Variants in GARNL3 observed in about 807,000 individuals in gnomAD.
GARNL3 encodes the protein GTPase activating Rap/RanGAP domain like 3, also known as GTPase-activating Rap/Ran-GAP domain-like protein 3.
GARNL3 carries 63 observed loss-of-function variants against 125.0 expected under a neutral mutation model. The observed-to-expected ratio is 0.50, with a 90% confidence interval of 0.41 to 0.62. The LOEUF (loss-of-function observed/expected upper bound fraction) is 0.62. Among genes scored for constraint, GARNL3 ranks in the 20% least tolerant of loss-of-function variants. The pLI is 0.00. For synonymous variants in GARNL3, 439 were observed against 457.5 expected (o/e 0.96, Z 0.52); for missense variants, 994 against 1,244.0 (o/e 0.80, Z 3.02).
In GARNL3 at chr9:127,354,319, C is replaced by G. The variant is rs750111901; in HGVS notation, c.1668C>G (p.Phe556Leu). ...DKGKDARLFV[F>L]RLSALQKGLE... ...GAAAAGATGCTCGCCTCTTTGTCTT[C>G]AGGCTAAGTGCTCTGCAAAAGGGCC... The change falls in exon 19 of 28, where the codon TTC (phenylalanine) becomes TTG (leucine). Residue 556 changes from phenylalanine to leucine, a missense_variant. Physicochemically the swap from Phe to Leu is conservative, Grantham distance 22 (BLOSUM62 0). Transcript: ENST00000373387. The G allele has an allele frequency of 3.7e-5, 60 of 1,613,602 alleles. No individual in the cohort carries two copies. Among genetic ancestry groups the G allele is most frequent in the Non-Finnish European group, 5.0e-5 (59 of 1,179,708 alleles).
chr9:127,236,517 T>C (rs1430677920), intron 1 of GARNL3, among the ~76,000 whole-genome samples: 5 of 152,210 alleles, frequency 3.3e-5, no homozygotes, highest in Non-Finnish European at 5.9e-5. Context: ...GGCGTGATCA[T>C]AGCTCACTGT....
intron 10 of GARNL3, among the ~76,000 whole-genome samples, chr9:127,335,813 A>G (rs1829521593): frequency 6.6e-6 from 1 of 152,096 alleles, no homozygotes; most frequent in Admixed American, 6.5e-5. Context: ...ATGGTTGACA[A>G]GTATTGTTAT....
chr9:127,385,785 T>C lies in GARNL3; in HGVS notation c.2388+640T>C, dbSNP rs911938430. Among the ~76,000 whole-genome samples the C allele has an allele frequency of 6.6e-6, 1 of 152,186 alleles. No individual in the cohort carries two copies. The highest frequency in any genetic ancestry group is 1.5e-5 in the Non-Finnish European group (1 of 68,036). ...CCCTGGTCCTGACATCCATCACATT[T>C]GGTGGTAGGTGACTGCCTATTTGTT... On this transcript the variant is annotated intron_variant, in intron 24 of 27. Coordinates refer to ENST00000373387, the MANE Select transcript of GARNL3 (RefSeq NM_032293.5). The surrounding 1 kb of genome is among the most constrained non-coding windows in gnomAD (Gnocchi z 4.1).
In GARNL3 at chr9:127,385,902, C is replaced by T. The variant is rs570466781; in HGVS notation, c.2388+757C>T. ...AGTGGTGTGCTCAATGCTTCAGTCC[C>T]GCAGTGCTCTGGAAAATGTGTGTGT... is the stretch of plus-strand genomic sequence containing the variant. On this transcript the variant is annotated intron_variant, in intron 24 of 27. Coordinates refer to ENST00000373387, the MANE Select transcript of GARNL3 (RefSeq NM_032293.5). This position sits in a 1 kb window ranked among gnomAD's most constrained non-coding sequence, Gnocchi z 4.1. 3.9e-4 allele frequency among the ~76,000 whole-genome samples: 59 copies of T among 152,270 alleles called. No individual in the cohort carries two copies. The highest frequency in any genetic ancestry group is 1.3e-3 in the African/African-American group (55 of 41,534).
chr9:127,285,261 G>A (rs559658827), intron 1 of GARNL3, among the ~76,000 whole-genome samples: 5 of 152,078 alleles, frequency 3.3e-5, no homozygotes, highest in African/African-American at 4.8e-5. Context: ...GAGAAACCCC[G>A]TCTCTACTAA....
chr9:127,269,815 A>C (rs73599259), intron 1 of GARNL3, among the ~76,000 whole-genome samples: 2,452 of 117,876 alleles, frequency 0.021, 81 homozygotes, highest in African/African-American at 0.071. Context: ...GTCAAGTTGT[A>C]GGAGTTCTTT....
At chr9:127,240,089 G>A (rs958713043) in intron 1 of GARNL3, among the ~76,000 whole-genome samples, 23 of 152,202 alleles carry the variant, frequency 1.5e-4, no homozygotes, top group African/African-American at 4.8e-4. Flanking sequence ...AAGACCTCTA[G>A]TTTAGAAAGA....
At chr9:127,231,231 T>TTTG (rs2063011674) in intron 1 of GARNL3, among the ~76,000 whole-genome samples, 1 of 136,836 alleles carries the variant, frequency 7.3e-6, no homozygotes, top group Admixed American at 7.2e-5. Context: ...ATTTTTTGTT[T>TTTG]TTTTTTTTTT....
chr9:127,357,269 A>C lies in GARNL3; in HGVS notation c.1986A>C (p.Pro662=), dbSNP rs760842871. 6.2e-7 allele frequency: 1 copy of C among 1,614,228 alleles called. No homozygotes were observed. The change falls in exon 21 of 28, where the codon CCA becomes CCC. Residue 662 remains proline, a synonymous_variant. Transcript: ENST00000373387. ...SPMVMTLVDG[P]AEESDNLICV... ...TGGTGATGACCTTAGTGGATGGGCCAGCTGAAGAGAGTGACAATCTCATCT... is the reference window on the plus strand; with the variant it reads ...TGGTGATGACCTTAGTGGATGGGCCCGCTGAAGAGAGTGACAATCTCATCT...
In GARNL3 at chr9:127,341,441, C is replaced by CT. The variant is rs531438502; in HGVS notation, c.1136-777dup. On this transcript the variant is annotated intron_variant, in intron 13 of 27. Transcript: ENST00000373387. ...ACCATGGCCAGGGTTGCCAGATACT[C>CT]TGAGTTTTCAAATCAAGCCAGAAAG... Among the ~76,000 whole-genome samples, 18 of 152,324 alleles carry CT rather than the reference C, an allele frequency of 1.2e-4. No homozygotes were observed. In the South Asian group the frequency reaches 2.5e-3, roughly 21 times the overall value.
chr9:127,279,402 A>G (rs184499897), intron 1 of GARNL3, among the ~76,000 whole-genome samples: 22 of 152,064 alleles, frequency 1.4e-4, no homozygotes, highest in East Asian at 9.7e-4. Flanking sequence ...TCTGTCCTCC[A>G]TGACTGTCTT....
At chr9:127,356,150 G>T (rs1830677284) in intron 20 of GARNL3, among the ~76,000 whole-genome samples, 1 of 152,228 alleles carries the variant, frequency 6.6e-6, no homozygotes, top group Non-Finnish European at 1.5e-5. Flanking sequence ...TTGAAGCAGA[G>T]AAGTGGCAGG....
chr9:127,264,974 T>C lies in GARNL3; in HGVS notation c.97T>C (p.Cys33Arg), dbSNP rs1209752551. 2 of 1,613,300 alleles carry C rather than the reference T, an allele frequency of 1.2e-6. No homozygotes were observed. The highest frequency in any genetic ancestry group is 1.7e-6 in the Non-Finnish European group (2 of 1,179,558). The change falls in exon 1 of 28, where the codon TGT (cysteine) becomes CGT (arginine). Residue 33 changes from cysteine to arginine, a missense_variant. Around this residue, in one of 5 missense-constraint regions of GARNL3, gnomAD observed 139 missense variants for 231.6 expected, o/e 0.60. Coordinates refer to ENST00000373387, the MANE Select transcript of GARNL3 (RefSeq NM_032293.5). Reference protein sequence around the residue: ...CSSSVSEDLGCRRGDFSRKHY... With the variant: ...CSSSVSEDLGRRRGDFSRKHY... ...CAGCTCTGTCTCGGAAGACCTAGGCTGTAGACGTGGGGATTTCAGTAGGAA... is the reference window on the plus strand; with the variant it reads ...CAGCTCTGTCTCGGAAGACCTAGGCCGTAGACGTGGGGATTTCAGTAGGAA...
intron 6 of GARNL3, among the ~76,000 whole-genome samples, chr9:127,322,395 G>A (rs943515496): frequency 6.6e-6 from 1 of 150,944 alleles, no homozygotes; most frequent in Non-Finnish European, 1.5e-5. Flanking sequence ...GATTTTTCTA[G>A]GAGAGGAAAA....
At chr9:127,354,875 C>T (rs577194388) in intron 19 of GARNL3, among the ~76,000 whole-genome samples, 3 of 152,328 alleles carry the variant, frequency 2.0e-5, no homozygotes, top group East Asian at 1.9e-4. Context: ...TCACTACAAC[C>T]TCCGCCTCCT....
At chr9:127,228,300 C>T (rs1344278120) in intron 1 of GARNL3, among the ~76,000 whole-genome samples, 1 of 152,144 alleles carries the variant, frequency 6.6e-6, no homozygotes, top group Non-Finnish European at 1.5e-5. Flanking sequence ...ATAAACAGGT[C>T]ATCATAAATT....
At chr9:127,239,093 G>A (rs1588666879) in intron 1 of GARNL3, among the ~76,000 whole-genome samples, 1 of 152,156 alleles carries the variant, frequency 6.6e-6, no homozygotes, top group East Asian at 1.9e-4. Context: ...TGACCCCCCT[G>A]GCAGGGCTTC....
At chr9:127,251,394 T>TTTTTG (rs753170807) in intron 2 of GARNL3, among the ~76,000 whole-genome samples, 1 of 152,130 alleles carries the variant, frequency 6.6e-6, no homozygotes, top group African/African-American at 2.4e-5. Flanking sequence ...TTCATAGTTT[T>TTTTTG]TTTTGTTTTG....
Position 127,393,466 on chromosome 9 carries a change from C to T in GARNL3, c.*212C>T. The T allele has an allele frequency of 2.7e-6, 1 of 376,534 alleles. No homozygotes were observed. Among genetic ancestry groups the T allele is most frequent in the Non-Finnish European group, 4.8e-6 (1 of 209,820 alleles). The allele number at this position is 376,534 out of a possible 1,614,324, so 23.3% of individuals were successfully genotyped here. The stretch of plus-strand genomic sequence containing the variant: ...TTTCTGTTCAGGAACCATCAGTCCC[C>T]TTGTAATAAAGGTGGTAGATTTCAT... On this transcript the variant is annotated 3_prime_UTR_variant, in exon 28 of 28. Coordinates refer to ENST00000373387, the MANE Select transcript of GARNL3 (RefSeq NM_032293.5).
Sources: gnomAD v4.1 joint callset for allele counts (sites outside exome capture counted in the v4.1 genomes callset) on GRCh38, gnomAD v4.1.1 for gene constraint, gnomAD v4.1.1 regional missense constraint, Gnocchi (gnomAD v3.1) non-coding constraint, MANE v1.5 for transcripts, NCBI Gene and HGNC (gene_info 2026-07-23, HGNC 2026-07-21) for gene names.